The following LRRC4C variants were observed in gnomAD, a reference collection of about 807,000 sequenced individuals.
LRRC4C encodes leucine-rich repeat-containing protein 4C.
LRRC4C carries 5 observed loss-of-function variants against 33.6 expected under a neutral mutation model. The ratio of observed to expected loss-of-function variants is 0.15; its 90% CI spans 0.08 to 0.31. The LOEUF (loss-of-function observed/expected upper bound fraction) is 0.31. Ranked by LOEUF, LRRC4C falls within the 10% of genes least tolerant of loss-of-function variation. The pLI is 1.00. For synonymous variants in LRRC4C, 329 were observed against 302.0 expected, an observed-to-expected ratio of 1.09 and a Z score of -0.93; for missense variants, 560 against 796.7, an observed-to-expected ratio of 0.70 and a Z score of 3.58.
chr11:40,739,009 G>A (rs10837491), intron 2 of LRRC4C, among the ~76,000 whole-genome samples: 163 of 53,390 alleles, frequency 3.1e-3, no homozygotes, highest in Non-Finnish European at 5.6e-3. Context: ...AATTGCTATT[G>A]TGTGTGTGTG....
At chr11:40,579,852 G>A (rs1242550610) in intron 3 of LRRC4C, among the ~76,000 whole-genome samples, 2 of 151,984 alleles carry the variant, frequency 1.3e-5, no homozygotes, top group South Asian at 2.1e-4. Context: ...GTGCAGTGGC[G>A]CGATCTTCGC....
intron 3 of LRRC4C, among the ~76,000 whole-genome samples, chr11:40,468,916 A>T (rs547355615): frequency 6.6e-6 from 1 of 152,340 alleles, no homozygotes; most frequent in African/African-American, 2.4e-5. Flanking sequence ...ATTATTTTGC[A>T]TTTAAAAAGT....
chr11:40,242,892 C>T (rs528638519), intron 4 of LRRC4C, among the ~76,000 whole-genome samples: 26 of 152,010 alleles, frequency 1.7e-4, no homozygotes, highest in East Asian at 5.8e-4. Context: ...AGAATGTTTT[C>T]GGCATGCTCT....
chr11:40,144,675 GATT>G (rs1387898649), intron 5 of LRRC4C, among the ~76,000 whole-genome samples: 2 of 152,188 alleles, frequency 1.3e-5, no homozygotes, highest in Non-Finnish European at 2.9e-5. Context: ...AGGCGAATGA[GATT>G]ATAATTTTTC....
rs138532642 is a variant in LRRC4C at position 40,514,021 on chromosome 11, T to G, written c.-270+134121A>C. On this transcript the variant is annotated intron_variant, in intron 3 of 6. Transcript: ENST00000528697. ...CTATGAATCCTCTTGGAATTGCTAC[T>G]AAGGCAAATAGTAATATGTTCTTTT... Among the ~76,000 whole-genome samples the G allele has an allele frequency of 1.2e-4, 18 of 152,328 alleles. No individual in the cohort carries two copies. The East Asian group carries it at 3.1e-3, about 26-fold the overall frequency.
At chr11:40,508,495 A>G (rs2138693722) in intron 3 of LRRC4C, among the ~76,000 whole-genome samples, 1 of 151,920 alleles carries the variant, frequency 6.6e-6, no homozygotes, top group Admixed American at 6.5e-5. Flanking sequence ...CTAAGATGAA[A>G]AAAAAACCTG....
chr11:40,881,661 T>C (rs886879256), intron 2 of LRRC4C, among the ~76,000 whole-genome samples: 21 of 2,950 alleles, frequency 7.1e-3, no homozygotes, highest in African/African-American at 0.011. Flanking sequence ...GTTTTTTTCT[T>C]TTTTTTTTTT....
intron 1 of LRRC4C, among the ~76,000 whole-genome samples, chr11:41,357,632 A>T (rs1329077931): frequency 6.6e-6 from 1 of 152,102 alleles, no homozygotes; most frequent in African/African-American, 2.4e-5. Flanking sequence ...TTGTTGTTGG[A>T]ATGCAAAATA....
intron 3 of LRRC4C, among the ~76,000 whole-genome samples, chr11:40,345,903 C>T (rs1947107073): frequency 6.6e-6 from 1 of 151,940 alleles, no homozygotes; most frequent in African/African-American, 2.4e-5. Flanking sequence ...TGAACACACA[C>T]TTCTTAAAAG....
chr11:41,087,528 G>A (rs560194732), intron 1 of LRRC4C, among the ~76,000 whole-genome samples: 2 of 152,032 alleles, frequency 1.3e-5, no homozygotes, highest in African/African-American at 2.4e-5. Flanking sequence ...AGGATTTTGC[G>A]ATATTACCCA....
Position 40,358,964 on chromosome 11 carries a change from CATAA to C in LRRC4C, c.-269-39247_-269-39244del, listed in dbSNP as rs767863289. On this transcript the variant is annotated intron_variant, in intron 3 of 6. Transcript: ENST00000528697. ...ATGCTTATTCTTCTTCCCAAACAATCATAAATAGTTTACTTGACTATGCTAATGA... is the reference window on the plus strand; with the variant it reads ...ATGCTTATTCTTCTTCCCAAACAATCATAGTTTACTTGACTATGCTAATGA... Among the ~76,000 whole-genome samples, 438 of 152,174 alleles carry C rather than the reference CATAA, an allele frequency of 2.9e-3. 3 individuals carry two copies. Among genetic ancestry groups the C allele is most frequent in the Non-Finnish European group, 3.7e-3 (254 of 68,004 alleles).
chr11:41,276,595 G>A (rs1049807772), intron 1 of LRRC4C, among the ~76,000 whole-genome samples: 2 of 151,996 alleles, frequency 1.3e-5, no homozygotes, highest in Non-Finnish European at 2.9e-5. Flanking sequence ...ATAGTACGTA[G>A]GCAAAATAAC....
At chr11:40,660,984 T>C (rs1943401447) in intron 2 of LRRC4C, among the ~76,000 whole-genome samples, 1 of 152,192 alleles carries the variant, frequency 6.6e-6, no homozygotes, top group South Asian at 2.1e-4. Flanking sequence ...TTTTACTGAA[T>C]ATAAATGAAT....
At chr11:41,041,325 A>T (rs1857420330) in intron 1 of LRRC4C, among the ~76,000 whole-genome samples, 2 of 152,210 alleles carry the variant, frequency 1.3e-5, no homozygotes, top group Admixed American at 1.3e-4. Flanking sequence ...ATACGAGGAA[A>T]GGAAGTCTTA....
intron 2 of LRRC4C, among the ~76,000 whole-genome samples, chr11:40,704,662 A>G (rs1313442843): frequency 1.3e-5 from 2 of 152,156 alleles, no homozygotes; most frequent in Non-Finnish European, 2.9e-5. Context: ...TGAAAATTAG[A>G]GTTCACAATA....
At chr11:40,260,467 G>A (rs1167595052) in intron 4 of LRRC4C, among the ~76,000 whole-genome samples, 1 of 149,864 alleles carries the variant, frequency 6.7e-6, no homozygotes, top group Non-Finnish European at 1.5e-5. Flanking sequence ...TGACGAGTTA[G>A]TGGGTGCAGC....
At chr11:41,179,555 C>T (rs11036274) in intron 1 of LRRC4C, among the ~76,000 whole-genome samples, 12,199 of 152,214 alleles carry the variant, frequency 0.08, 496 homozygotes, top group Middle Eastern at 0.11. Flanking sequence ...TATTTTATTT[C>T]CTTTCTCTTC....
chr11:40,668,914 C>T (rs1173715059), intron 2 of LRRC4C, among the ~76,000 whole-genome samples: 1 of 152,108 alleles, frequency 6.6e-6, no homozygotes, highest in African/African-American at 2.4e-5. Context: ...CAGGAGTAGA[C>T]AGAGCATCAG....
intron 1 of LRRC4C, among the ~76,000 whole-genome samples, chr11:41,219,585 A>G (rs1947213501): frequency 1.3e-5 from 2 of 152,130 alleles, no homozygotes; most frequent in African/African-American, 2.4e-5. Flanking sequence ...AGGAATTTCC[A>G]TTTATTTGCT....
Sources: gnomAD v4.1 joint callset for allele counts (sites outside exome capture counted in the v4.1 genomes callset) on GRCh38, gnomAD v4.1.1 for gene constraint, MANE v1.5 for transcripts, NCBI Gene and HGNC (gene_info 2026-07-23, HGNC 2026-07-21) for gene names.